RSF1: variants seen among roughly 807,000 people sequenced by gnomAD.
RSF1 encodes HBV pX-associated protein 8.
In RSF1, 13 loss-of-function variants were observed where a neutral mutation model predicts 145.2. The observed-to-expected ratio is 0.09, with a 90% confidence interval of 0.06 to 0.14. The LOEUF (loss-of-function observed/expected upper bound fraction) is 0.14, where lower values mean the gene tolerates loss of function less well. RSF1 is among the 10% of genes least tolerant of loss of function. The pLI is 1.00. For synonymous variants in RSF1, 577 were observed against 592.6 expected (o/e 0.97, Z 0.38); for missense variants, 1,517 against 1,718.2 (o/e 0.88, Z 2.07).
chr11:77,771,057 C>A (rs879904469), intron 1 of RSF1, among the ~76,000 whole-genome samples: 3 of 152,156 alleles, frequency 2.0e-5, no homozygotes, highest in Non-Finnish European at 4.4e-5. Flanking sequence ...TCTATTCTTT[C>A]TAACTCAATT....
At chr11:77,818,439 C>A (rs1252799233) in intron 1 of RSF1, among the ~76,000 whole-genome samples, 1 of 152,144 alleles carries the variant, frequency 6.6e-6, no homozygotes, top group African/African-American at 2.4e-5. Flanking sequence ...CCCAAGGCAT[C>A]CTAAAAGCAA....
At chr11:77,667,519 T>G in intron 15 of RSF1, 28 bp from the exon 16 acceptor site, 1 of 1,572,554 alleles carries the variant, frequency 6.4e-7, no homozygotes, top group South Asian at 1.1e-5. Flanking sequence ...TTTAAGCCAT[T>G]GGCACGGTTA....
chr11:77,738,280 G>C (rs78653029), intron 4 of RSF1, among the ~76,000 whole-genome samples: 1,859 of 152,224 alleles, frequency 0.012, 33 homozygotes, highest in African/African-American at 0.043. Flanking sequence ...TCATTTTAAA[G>C]TACAGGAATG....
At chr11:77,780,131 T>C (rs1948388035) in intron 1 of RSF1, among the ~76,000 whole-genome samples, 1 of 152,232 alleles carries the variant, frequency 6.6e-6, no homozygotes, top group African/African-American at 2.4e-5. Context: ...AACAGGCCTA[T>C]ATCTTCAGCA....
intron 1 of RSF1, among the ~76,000 whole-genome samples, chr11:77,801,653 T>G (rs1051222379): frequency 3.3e-5 from 5 of 151,930 alleles, no homozygotes; most frequent in African/African-American, 1.2e-4. Flanking sequence ...CCGTGGAATT[T>G]CCTGGGTGAT....
At chr11:77,849,399 A>G in the RSF1 span, among the ~76,000 whole-genome samples, 28 of 151,600 alleles carry the variant, frequency 1.8e-4, no homozygotes, top group African/African-American at 6.8e-4. Flanking sequence ...TTTCTTTTGT[A>G]TTTTTAGTAA....
the RSF1 span, among the ~76,000 whole-genome samples, chr11:77,854,139 C>T: frequency 1.1e-4 from 17 of 151,714 alleles, no homozygotes; most frequent in African/African-American, 3.4e-4. Context: ...TACAGGCGCC[C>T]GCCACCACAC....
the RSF1 span, among the ~76,000 whole-genome samples, chr11:77,834,441 G>GTTT: frequency 3.4e-3 from 357 of 105,498 alleles, 2 homozygotes; most frequent in Non-Finnish European, 4.1e-3. Context: ...AGTTGATTTT[G>GTTT]TTTTTTTTTT....
chr11:77,793,690 G>A (rs1364308116), intron 1 of RSF1, among the ~76,000 whole-genome samples: 1 of 152,190 alleles, frequency 6.6e-6, no homozygotes, highest in Non-Finnish European at 1.5e-5. Context: ...CTGATCGCCA[G>A]GATTGATTCA....
At chr11:77,823,934 T>G (rs1949055638), upstream of RSF1, among the ~76,000 whole-genome samples, 1 of 152,076 alleles carries the variant, frequency 6.6e-6, no homozygotes, top group South Asian at 2.1e-4. Flanking sequence ...AAAAAAAGCT[T>G]TATTACTATA....
rs549090660 is a variant in RSF1, at chr11:77,815,469, A to G, written c.187+5059T>C. Among the ~76,000 whole-genome samples, 48 of 152,342 alleles carry G rather than the reference A, an allele frequency of 3.2e-4. No individual in the cohort carries two copies. In the South Asian group the frequency reaches 9.3e-3, roughly 30 times the overall value. On this transcript the variant is annotated intron_variant, in intron 1 of 15. Transcript: ENST00000308488. ...AATTTTATTAAATCTAACAACACAC[A>G]TAACTGTCTTCCTTGAATACATGAT... is the stretch of plus-strand genomic sequence containing the variant.
intron 1 of RSF1, among the ~76,000 whole-genome samples, chr11:77,819,115 A>C (rs1948809751): frequency 6.6e-6 from 1 of 152,224 alleles, no homozygotes; most frequent in South Asian, 2.1e-4. Context: ...AATGCAAATA[A>C]ATTCAGTTAA....
Position 77,820,519 on chromosome 11 carries a change from C to T in RSF1, c.187+9G>A. On this transcript the variant is annotated intron_variant, in intron 1 of 15. Transcript: ENST00000308488. ...CGCTTCCCGCCGGGCGTTCGGGCCC[C>T]TCGCTTACCTTCTCCGTTGCCGACG... is the stretch of plus-strand genomic sequence containing the variant. 1.9e-6 allele frequency: 3 copies of T among 1,547,350 alleles called. No individual in the cohort carries two copies. In the South Asian group the frequency reaches 3.6e-5, roughly 18 times the overall value.
At chr11:77,772,699 G>A (rs1290208472) in intron 1 of RSF1, among the ~76,000 whole-genome samples, 1 of 151,980 alleles carries the variant, frequency 6.6e-6, no homozygotes, top group African/African-American at 2.4e-5. Context: ...CTATGTCTAG[G>A]TATTGAGGTA....
chr11:77,820,543 C>T lies in RSF1; in HGVS notation c.172G>A (p.Val58Ile). The T allele has an allele frequency of 1.3e-6, 2 of 1,548,566 alleles. No homozygotes were observed. Among genetic ancestry groups the T allele is most frequent in the South Asian group, 1.2e-5 (1 of 83,986 alleles). Residue 58 changes from valine to isoleucine, a missense_variant, in exon 1 of 16, where the codon GTC becomes ATC. By Grantham distance (29) the Val-to-Ile change is conservative (BLOSUM62 3). Transcript: ENST00000308488. ...CCTCGCTTACCTTCTCCGTTGCCGA[C>T]GTCCGGCGGCGGCGCCTGCAGCACC... Reference protein sequence around the residue: ...ERVLQAPPPDVGNGEVPKELV... With the variant: ...ERVLQAPPPDIGNGEVPKELV...
chr11:77,836,901 G>A, the RSF1 span, among the ~76,000 whole-genome samples: 3 of 152,100 alleles, frequency 2.0e-5, no homozygotes, highest in South Asian at 6.2e-4. Context: ...GGAGGCGGAG[G>A]TTGCGGTGAG....
chr11:77,811,443 G>A (rs912558540), intron 1 of RSF1, among the ~76,000 whole-genome samples: 38 of 152,294 alleles, frequency 2.5e-4, no homozygotes, highest in African/African-American at 8.7e-4. Context: ...TATGAGTACT[G>A]TGGCATAAAA....
chr11:77,669,271 TC>T, intron 15 of RSF1, among the ~76,000 whole-genome samples: 1 of 152,182 alleles, frequency 6.6e-6, no homozygotes. Context: ...TACAATAACT[TC>T]CCAATGGGTC....
At chr11:77,866,641 A>T in the RSF1 span, 1 of 151,918 alleles carries the variant, frequency 6.6e-6, no homozygotes, top group Non-Finnish European at 1.5e-5. Flanking sequence ...GTCTCCTATG[A>T]CCTTACACTT....
Sources: gnomAD v4.1 joint callset for allele counts (sites outside exome capture counted in the v4.1 genomes callset) on GRCh38, gnomAD v4.1.1 for gene constraint, MANE v1.5 for transcripts, NCBI Gene and HGNC (gene_info 2026-07-23, HGNC 2026-07-21) for gene names.